TLN2: variants seen among roughly 807,000 people sequenced by gnomAD.
TLN2 encodes talin 2.
Under a neutral mutation model 294.7 loss-of-function variants are expected in TLN2, and 118 were observed. That is an observed-to-expected ratio of 0.40 (90% confidence interval 0.34 to 0.47). The LOEUF is 0.47. Ranked by LOEUF, TLN2 falls within the 20% of genes least tolerant of loss-of-function variation. TLN2 has a pLI of 0.84. For synonymous variants in TLN2, 1,431 were observed against 1,304.5 expected, an observed-to-expected ratio of 1.10 and a Z score of -2.09; for missense variants, 3,083 against 3,282.2, an observed-to-expected ratio of 0.94 and a Z score of 1.48.
At chr15:62,798,576 C>T (rs1295455031) in intron 48 of TLN2, among the ~76,000 whole-genome samples, 3 of 152,112 alleles carry the variant, frequency 2.0e-5, no homozygotes, top group Non-Finnish European at 4.4e-5. Context: ...AACCTCTGTT[C>T]TCTCTGTTCC....
At chr15:62,402,697 A>C (rs897714535) in intron 1 of TLN2, among the ~76,000 whole-genome samples, 3 of 152,170 alleles carry the variant, frequency 2.0e-5, no homozygotes, top group Non-Finnish European at 4.4e-5. Flanking sequence ...TTTCAGGTCC[A>C]CTATGTTTCT....
Position 62,566,984 on chromosome 15 carries a change from G to C in TLN2, c.-237-22703G>C, listed in dbSNP as rs147038173. On this transcript the variant is annotated intron_variant, in intron 1 of 58. Transcript: ENST00000636159. Reference sequence around the variant, plus strand: ...GCCCCCACCTCTCAGGAAAAAATTTGTATTTTGACCAACTTATTTTCAGGT... The same window carrying C: ...GCCCCCACCTCTCAGGAAAAAATTTCTATTTTGACCAACTTATTTTCAGGT... 6.9e-3 allele frequency among the ~76,000 whole-genome samples: 1,054 copies of C among 152,182 alleles called. 4 individuals carry two copies. The highest frequency in any genetic ancestry group is 0.011 in the Non-Finnish European group (720 of 67,996).
intron 9 of TLN2, among the ~76,000 whole-genome samples, chr15:62,660,460 C>T (rs2053691890): frequency 6.6e-6 from 1 of 152,214 alleles, no homozygotes; most frequent in Non-Finnish European, 1.5e-5. Flanking sequence ...GTGTGGGGAG[C>T]CAGGAAAAAG....
chr15:62,509,279 GT>G (rs2039802961), intron 1 of TLN2, among the ~76,000 whole-genome samples: 1 of 114,616 alleles, frequency 8.7e-6, no homozygotes, highest in African/African-American at 4.7e-5. Context: ...TCTTGTGTTT[GT>G]TTTGTTTTTT....
At chr15:62,836,442 A>G (rs1359556643) in intron 57 of TLN2, among the ~76,000 whole-genome samples, 3 of 152,190 alleles carry the variant, frequency 2.0e-5, no homozygotes, top group Non-Finnish European at 2.9e-5. Flanking sequence ...TTCCCATCAC[A>G]TGGTGCTACT....
chr15:62,620,823 TTTTC>T (rs1335037042), intron 3 of TLN2, among the ~76,000 whole-genome samples: 2,907 of 136,310 alleles, frequency 0.021, 111 homozygotes, highest in African/African-American at 0.077. Flanking sequence ...CTTCTTTTTT[TTTTC>T]TTTCTTTTTC....
chr15:62,836,115 G>A, intron 57 of TLN2, 42 bp downstream of exon 57: 2 of 1,561,634 alleles, frequency 1.3e-6, no homozygotes, highest in Non-Finnish European at 1.7e-6. Flanking sequence ...TCCTGTTGGA[G>A]CGGGTAAGTG....
chr15:62,536,195 A>G (rs2041339303), intron 1 of TLN2, among the ~76,000 whole-genome samples: 3 of 152,208 alleles, frequency 2.0e-5, no homozygotes, highest in Admixed American at 6.5e-5. Flanking sequence ...TTTGCTGCAC[A>G]GTAGAATCAC....
chr15:62,660,360 G>A (rs1474128078), intron 9 of TLN2, among the ~76,000 whole-genome samples: 1 of 152,108 alleles, frequency 6.6e-6, no homozygotes, highest in East Asian at 1.9e-4. Flanking sequence ...AGTTTTCAGG[G>A]ATTTAAGGAT....
intron 1 of TLN2, among the ~76,000 whole-genome samples, chr15:62,416,300 CAATA>C (rs999279882): frequency 6.6e-6 from 1 of 152,142 alleles, no homozygotes; most frequent in African/African-American, 2.4e-5. Context: ...CTATCTCAAA[CAATA>C]AATAAGTAGA....
At position 62,631,037 on chromosome 15, in the gene TLN2, TTAGC is replaced by T. The variant is rs368918548; in HGVS notation, c.-37+12567_-37+12570del. ...TTTTTTTTCTAAGGCATTGAAATGC[TTAGC>T]TAGCCTTTTCTCACCCAGGATAGTA... is the stretch of plus-strand genomic sequence containing the variant. On this transcript the variant is annotated intron_variant, in intron 3 of 58. Transcript: ENST00000636159. 5.0e-3 allele frequency among the ~76,000 whole-genome samples: 754 copies of T among 152,268 alleles called. 4 individuals are homozygous for T. The highest frequency in any genetic ancestry group is 8.1e-3 in the Non-Finnish European group (550 of 68,016).
At chr15:62,463,070 C>T (rs2036904227) in intron 1 of TLN2, among the ~76,000 whole-genome samples, 1 of 152,190 alleles carries the variant, frequency 6.6e-6, no homozygotes, top group South Asian at 2.1e-4. Context: ...CCCCCAACCC[C>T]CCTGCCTCTG....
At chr15:62,489,934 C>T (rs1291048869) in intron 1 of TLN2, among the ~76,000 whole-genome samples, 1 of 152,216 alleles carries the variant, frequency 6.6e-6, no homozygotes, top group Non-Finnish European at 1.5e-5. Flanking sequence ...AGCTCCTGCC[C>T]ACATTCTGAG....
intron 3 of TLN2, among the ~76,000 whole-genome samples, chr15:62,621,941 A>G (rs1354747625): frequency 6.6e-6 from 1 of 152,208 alleles, no homozygotes; most frequent in Non-Finnish European, 1.5e-5. Flanking sequence ...TGGAATGGAG[A>G]ATCACTCTGC....
At chr15:62,418,849 A>G (rs1252537008) in intron 1 of TLN2, among the ~76,000 whole-genome samples, 1 of 152,182 alleles carries the variant, frequency 6.6e-6, no homozygotes, top group Non-Finnish European at 1.5e-5. Context: ...AGCAAATCAC[A>G]ATGGTGGAAT....
chr15:62,670,863 C>G (rs2055318070), intron 9 of TLN2, among the ~76,000 whole-genome samples: 1 of 152,178 alleles, frequency 6.6e-6, no homozygotes, highest in Non-Finnish European at 1.5e-5. Context: ...AACTACCAAA[C>G]TTTTTTACAG....
chr15:62,757,402 G>T (rs1275367957), intron 37 of TLN2, among the ~76,000 whole-genome samples: 4 of 152,220 alleles, frequency 2.6e-5, no homozygotes. Context: ...ATCGTTGGTT[G>T]CTGTGTAATG....
chr15:62,816,987 C>T (rs903765843), intron 52 of TLN2, among the ~76,000 whole-genome samples: 1 of 152,176 alleles, frequency 6.6e-6, no homozygotes, highest in Non-Finnish European at 1.5e-5. Context: ...GCCCAGGCTA[C>T]ACACCAGAAG....
At chr15:62,494,344 CT>C (rs903635131) in intron 1 of TLN2, among the ~76,000 whole-genome samples, 1 of 152,072 alleles carries the variant, frequency 6.6e-6, no homozygotes, top group African/African-American at 2.4e-5. Flanking sequence ...GCAGGAGCCT[CT>C]CCAGAAGTAG....
Sources: allele counts gnomAD v4.1 joint callset (sites outside exome capture counted in the v4.1 genomes callset), GRCh38; gene constraint gnomAD v4.1.1; transcripts MANE v1.5; gene names NCBI Gene and HGNC (gene_info 2026-07-23, HGNC 2026-07-21).